Variants in POLH observed in about 807,000 individuals in gnomAD.
POLH encodes DNA polymerase eta.
In POLH, 53 loss-of-function variants were observed where a neutral mutation model predicts 73.6. That is an observed-to-expected ratio of 0.72 (90% CI 0.58 to 0.91). The LOEUF (loss-of-function observed/expected upper bound fraction) is 0.91. POLH is among the 40% of genes least tolerant of loss of function. The pLI is 0.00. For synonymous variants in POLH, 292 were observed against 308.5 expected (o/e 0.95, Z 0.56); for missense variants, 768 against 865.4 (o/e 0.89, Z 1.41).
chr6:43,610,443 T>C (rs1406631566), intron 9 of POLH, 111 bp from the exon 10 acceptor site: 3 of 861,296 alleles, frequency 3.5e-6, no homozygotes, highest in Non-Finnish European at 5.8e-6. Context: ...AACTACTGTT[T>C]CCAAACCATT....
intron 4 of POLH, among the ~76,000 whole-genome samples, chr6:43,593,151 A>G (rs987367886): frequency 3.9e-5 from 6 of 152,222 alleles, no homozygotes; most frequent in Admixed American, 6.5e-5. Context: ...GGCATGTGCC[A>G]CTGTGTCTGG....
intron 1 of POLH, among the ~76,000 whole-genome samples, chr6:43,580,420 T>C (rs1763921059): frequency 1.3e-5 from 2 of 149,920 alleles, no homozygotes; most frequent in Admixed American, 6.6e-5. Context: ...CAATGAGCTG[T>C]TGGGCACACC....
At position 43,617,395 on chromosome 6, in the gene POLH, G is replaced by T. The variant is rs1768418651; in HGVS notation, c.*2838G>T. Among the ~76,000 whole-genome samples, 1 of 152,180 alleles carries T rather than the reference G, an allele frequency of 6.6e-6. No individual in the cohort carries two copies. The highest frequency in any genetic ancestry group is 2.4e-5 in the African/African-American group (1 of 41,442). ...TAATCCCACACTTTGGGAGGCCAAG[G>T]TGGGCGGATCACTTGAGGCTGGGAG... is the stretch of plus-strand genomic sequence containing the variant. On this transcript the variant is annotated 3_prime_UTR_variant, in exon 11 of 11. Coordinates refer to ENST00000372236, the MANE Select transcript of POLH (RefSeq NM_006502.3).
intron 1 of POLH, among the ~76,000 whole-genome samples, chr6:43,580,918 G>A (rs1439454529): frequency 3.4e-5 from 5 of 149,016 alleles, no homozygotes; most frequent in East Asian, 2.0e-4. Flanking sequence ...CCTCCCGGAC[G>A]GCACGGCTGG....
chr6:43,597,714 G>C lies in POLH; in HGVS notation c.509G>C (p.Gly170Ala), dbSNP rs768889859. The C allele has an allele frequency of 6.2e-7, 1 of 1,613,974 alleles. No individual in the cohort carries two copies. The highest frequency in any genetic ancestry group is 1.1e-5 in the South Asian group (1 of 91,070). Reference protein sequence around the residue: ...TVQKEGMRKQGLFQWLDSLQI... With the variant: ...TVQKEGMRKQALFQWLDSLQI... ...ATTTCAGAGGGGATGCGAAAACAAG[G>C]CTTATTTCAATGGCTCGATTCTCTT... is the stretch of plus-strand genomic sequence containing the variant. The change falls in exon 5 of 11, where the codon GGC (glycine) becomes GCC (alanine). Residue 170 changes from glycine to alanine, a missense_variant. Physicochemically the swap from Gly to Ala is moderately conservative, Grantham distance 60. Coordinates refer to ENST00000372236, the MANE Select transcript of POLH (RefSeq NM_006502.3).
chr6:43,614,288 A>G lies in POLH; in HGVS notation c.1873A>G (p.Ser625Gly). 1 of 1,598,656 alleles carries G rather than the reference A, an allele frequency of 6.3e-7. No individual in the cohort carries two copies. Among genetic ancestry groups the G allele is most frequent in the Non-Finnish European group, 8.5e-7 (1 of 1,170,788 alleles). The change falls in exon 11 of 11, where the codon AGT becomes GGT. Residue 625 changes from serine to glycine, a missense_variant. Transcript: ENST00000372236. ...GACTCAGAAAGCAACCCCAAATCCA[A>G]GTCTTCTAGCTGCTGAGGACCAAGT... is the stretch of plus-strand genomic sequence containing the variant. ...EVTQKATPNP[S>G]LLAAEDQVPC...
intron 4 of POLH, among the ~76,000 whole-genome samples, chr6:43,596,980 A>G (rs1003891199): frequency 6.6e-6 from 1 of 152,222 alleles, no homozygotes; most frequent in Non-Finnish European, 1.5e-5. Flanking sequence ...TAAAGCTTAT[A>G]TTGAAGCTTG....
chr6:43,581,308 G>A lies in POLH; in HGVS notation c.-4-1008G>A, dbSNP rs1764168493. Among the ~76,000 whole-genome samples the A allele has an allele frequency of 2.7e-5, 4 of 147,272 alleles. No homozygotes were observed. The South Asian group carries it at 8.7e-4, about 32-fold the overall frequency. ...ATCTCAGACGATGGGCGGGCGGGCAGAGACGCTCCTCACTTCCTAGATGTG... is the reference window on the plus strand; with the variant it reads ...ATCTCAGACGATGGGCGGGCGGGCAAAGACGCTCCTCACTTCCTAGATGTG... On this transcript the variant is annotated intron_variant, in intron 1 of 10. Coordinates refer to ENST00000372236, the MANE Select transcript of POLH (RefSeq NM_006502.3).
intron 9 of POLH, among the ~76,000 whole-genome samples, chr6:43,605,863 A>G (rs1767227901): frequency 6.6e-6 from 1 of 151,924 alleles, no homozygotes; most frequent in African/African-American, 2.4e-5. Context: ...GATTACAGGC[A>G]CATACCACCA....
Position 43,610,598 on chromosome 6 carries a change from A to C in POLH, c.1119A>C (p.Gln373His). 6.2e-7 allele frequency: 1 copy of C among 1,614,080 alleles called. No individual in the cohort carries two copies. Among genetic ancestry groups the C allele is most frequent in the South Asian group, 1.1e-5 (1 of 91,072 alleles). ...AGCTGGTTGTGAGCATTCGTGTACA[A>C]GGAGACAAACGCCTCAGCAGCCTGC... ...ATQLVVSIRVQGDKRLSSLRR... is the reference protein window; with the variant it reads ...ATQLVVSIRVHGDKRLSSLRR... The change falls in exon 10 of 11, where the codon CAA becomes CAC. Residue 373 changes from glutamine to histidine, a missense_variant. Gln to His is a conservative substitution (Grantham distance 24). Transcript: ENST00000372236.
At chr6:43,586,798 G>T (rs9333519) in intron 3 of POLH, among the ~76,000 whole-genome samples, 35 of 152,236 alleles carry the variant, frequency 2.3e-4, no homozygotes, top group African/African-American at 8.2e-4. Context: ...GTTAATTTAT[G>T]GTGAGAAATA....
chr6:43,620,357 T>C lies in POLH; in HGVS notation c.*5800T>C, dbSNP rs1180858287. On this transcript the variant is annotated 3_prime_UTR_variant, in exon 11 of 11. Coordinates refer to ENST00000372236, the MANE Select transcript of POLH (RefSeq NM_006502.3). ...ACCTATGTGGAGGAGAGAAAAACAA[T>C]GGTGAACGAGATACCAGCTGGGCTC... is the stretch of plus-strand genomic sequence containing the variant. 7 of 506,344 alleles carry C rather than the reference T, an allele frequency of 1.4e-5. No individual in the cohort carries two copies. The highest frequency in any genetic ancestry group is 2.7e-5 in the Non-Finnish European group (7 of 256,906). The allele number at this position is 506,344 out of a possible 1,614,324, so 31.4% of individuals were successfully genotyped here. A position where few individuals can be genotyped will look rare whatever the true frequency, so the allele number is the denominator to read the frequency against.
At chr6:43,606,554 G>A (rs530408812) in intron 9 of POLH, among the ~76,000 whole-genome samples, 4 of 151,798 alleles carry the variant, frequency 2.6e-5, no homozygotes, top group African/African-American at 9.7e-5. Context: ...TCAGCCTCCC[G>A]AGTAACCGGG....
intron 4 of POLH, among the ~76,000 whole-genome samples, chr6:43,589,655 A>G (rs370580923): frequency 3.5e-5 from 5 of 143,008 alleles, no homozygotes; most frequent in Middle Eastern, 3.7e-3. Context: ...TTTTTTTGAG[A>G]TGGAAGTCTC....
chr6:43,607,867 C>T (rs1292093429), intron 9 of POLH, among the ~76,000 whole-genome samples: 3 of 152,038 alleles, frequency 2.0e-5, no homozygotes, highest in South Asian at 2.1e-4. Context: ...GTTCCTGGGC[C>T]GGGCGTGGTG....
At chr6:43,594,242 C>G (rs1249399815) in intron 4 of POLH, among the ~76,000 whole-genome samples, 2 of 152,060 alleles carry the variant, frequency 1.3e-5, no homozygotes, top group Admixed American at 1.3e-4. Flanking sequence ...CATACAATTA[C>G]AGTAAATTAT....
chr6:43,602,856 T>A (rs538015405), intron 6 of POLH, among the ~76,000 whole-genome samples: 1 of 151,688 alleles, frequency 6.6e-6, no homozygotes, highest in African/African-American at 2.4e-5. Flanking sequence ...TTAGGAGAGA[T>A]GAGGTTTTAC....
chr6:43,603,074 T>C (rs1393470738), intron 6 of POLH, among the ~76,000 whole-genome samples: 1 of 141,578 alleles, frequency 7.1e-6, no homozygotes, highest in Non-Finnish European at 1.5e-5. Flanking sequence ...AATTAAGAGC[T>C]CACTGCAGCC....
chr6:43,613,375 G>A (rs900782247), intron 10 of POLH, among the ~76,000 whole-genome samples: 3 of 152,162 alleles, frequency 2.0e-5, no homozygotes, highest in Admixed American at 2.0e-4. Context: ...TAGCTGTCGG[G>A]AGGTGAGTGG....
Sources: allele counts gnomAD v4.1 joint callset (sites outside exome capture counted in the v4.1 genomes callset), GRCh38; gene constraint gnomAD v4.1.1; transcripts MANE v1.5; gene names NCBI Gene and HGNC (gene_info 2026-07-23, HGNC 2026-07-21).